Variants in FSIP1 observed in about 807,000 individuals in gnomAD.
FSIP1 encodes the protein fibrous sheath-interacting protein 1.
Under a neutral mutation model 60.9 loss-of-function variants are expected in FSIP1, and 65 were observed. The ratio of observed to expected loss-of-function variants is 1.07; its 90% CI spans 0.87 to 1.31. The LOEUF (loss-of-function observed/expected upper bound fraction) is 1.31. Ranked by LOEUF, FSIP1 falls within the 40% of genes most tolerant of loss-of-function variation. The pLI, the probability that FSIP1 is intolerant of heterozygous loss-of-function variation, is 0.00. For synonymous variants in FSIP1, 209 were observed against 221.2 expected (o/e 0.94, Z 0.49); for missense variants, 675 against 665.5 (o/e 1.01, Z -0.16).
intron 1 of FSIP1, among the ~76,000 whole-genome samples, chr15:39,782,193 A>G (rs1898292011): frequency 6.6e-6 from 1 of 152,210 alleles, no homozygotes; most frequent in African/African-American, 2.4e-5. Context: ...CTCCAGTCTC[A>G]TAGGTGTAAA....
chr15:39,634,780 G>A (rs535388076), intron 10 of FSIP1, among the ~76,000 whole-genome samples: 10 of 152,264 alleles, frequency 6.6e-5, no homozygotes, highest in South Asian at 4.1e-4. Flanking sequence ...TCATGCGGAC[G>A]CCATGTCTCC....
chr15:39,634,862 A>G (rs763268678), intron 10 of FSIP1, among the ~76,000 whole-genome samples: 3 of 152,206 alleles, frequency 2.0e-5, no homozygotes, highest in Non-Finnish European at 4.4e-5. Context: ...CCAGGATCCT[A>G]TGAGCACAAT....
intron 10 of FSIP1, among the ~76,000 whole-genome samples, chr15:39,637,704 A>G (rs955571782): frequency 6.6e-6 from 1 of 152,208 alleles, no homozygotes; most frequent in Non-Finnish European, 1.5e-5. Flanking sequence ...TCCTAGATTC[A>G]ATGATGAGAG....
intron 11 of FSIP1, among the ~76,000 whole-genome samples, chr15:39,603,568 C>A (rs575867470): frequency 6.6e-6 from 1 of 152,276 alleles, no homozygotes; most frequent in African/African-American, 2.4e-5. Context: ...TTATATGTGT[C>A]TCCAAACAAA....
chr15:39,709,937 G>A (rs1895428622), intron 10 of FSIP1, among the ~76,000 whole-genome samples: 1 of 152,212 alleles, frequency 6.6e-6, no homozygotes, highest in Middle Eastern at 3.4e-3. Context: ...GCCCAGGCGT[G>A]GGGGACCCCT....
At chr15:39,668,370 A>T (rs917989725) in intron 10 of FSIP1, among the ~76,000 whole-genome samples, 1 of 152,206 alleles carries the variant, frequency 6.6e-6, no homozygotes, top group African/African-American at 2.4e-5. Context: ...TTTCTCCAGA[A>T]CAAAAATCTG....
At chr15:39,658,887 C>T (rs76492755) in intron 10 of FSIP1, among the ~76,000 whole-genome samples, 2,186 of 152,210 alleles carry the variant, frequency 0.014, 25 homozygotes, top group Non-Finnish European at 0.025. Flanking sequence ...TATTCATAAT[C>T]GCCAAAAAGT....
At chr15:39,725,151 A>G (rs1416726740) in intron 9 of FSIP1, among the ~76,000 whole-genome samples, 2 of 152,208 alleles carry the variant, frequency 1.3e-5, no homozygotes, top group Non-Finnish European at 2.9e-5. Context: ...GAATCACTTG[A>G]ACCCAGGAGG....
intron 11 of FSIP1, among the ~76,000 whole-genome samples, chr15:39,609,430 C>T (rs566081780): frequency 2.0e-5 from 3 of 151,752 alleles, no homozygotes; most frequent in South Asian, 2.1e-4. Context: ...TAGCCTAACC[C>T]TACCAAGCCT....
chr15:39,763,454 T>C (rs1271693118), intron 5 of FSIP1, among the ~76,000 whole-genome samples: 1 of 152,166 alleles, frequency 6.6e-6, no homozygotes, highest in African/African-American at 2.4e-5. Flanking sequence ...AAATCGGTCA[T>C]AGATTTTAAC....
At chr15:39,645,218 C>G (rs1200961099) in intron 10 of FSIP1, among the ~76,000 whole-genome samples, 1 of 152,164 alleles carries the variant, frequency 6.6e-6, no homozygotes, top group Non-Finnish European at 1.5e-5. Flanking sequence ...TTGTGGAAAA[C>G]AGTATGAAGG....
intron 10 of FSIP1, among the ~76,000 whole-genome samples, chr15:39,620,212 A>C (rs1488558216): frequency 1.3e-5 from 2 of 152,238 alleles, no homozygotes; most frequent in Non-Finnish European, 2.9e-5. Flanking sequence ...TCTGCTGTGA[A>C]TAATATTTAC....
intron 10 of FSIP1, among the ~76,000 whole-genome samples, chr15:39,637,470 T>G (rs1473978196): frequency 6.6e-6 from 1 of 152,176 alleles, no homozygotes; most frequent in Admixed American, 6.5e-5. Context: ...GCTAGCTAGC[T>G]GAGCTAACTA....
chr15:39,750,966 C>A (rs1305059485), intron 5 of FSIP1, among the ~76,000 whole-genome samples: 1 of 151,494 alleles, frequency 6.6e-6, no homozygotes, highest in Non-Finnish European at 1.5e-5. Context: ...TAAAAATGGG[C>A]AAAGTAAATA....
chr15:39,756,401 G>A (rs1897302046), intron 5 of FSIP1, among the ~76,000 whole-genome samples: 1 of 152,054 alleles, frequency 6.6e-6, no homozygotes, highest in African/African-American at 2.4e-5. Context: ...TTGGAGATAG[G>A]GTTTCACACA....
intron 10 of FSIP1, among the ~76,000 whole-genome samples, chr15:39,642,988 G>A (rs1036727578): frequency 2.0e-5 from 3 of 152,128 alleles, no homozygotes; most frequent in Admixed American, 6.6e-5. Context: ...TTCAGTCCTC[G>A]AAGCACTTCA....
At chr15:39,601,027 T>C (rs1028207751) in intron 11 of FSIP1, 101 bp from the exon 12 acceptor site, 2 of 873,646 alleles carry the variant, frequency 2.3e-6, no homozygotes, top group Non-Finnish European at 3.6e-6. Context: ...CCTTTACACA[T>C]GAGGCAATAA....
chr15:39,762,335 C>G (rs1172496892), intron 5 of FSIP1, among the ~76,000 whole-genome samples: 1 of 152,182 alleles, frequency 6.6e-6, no homozygotes, highest in Non-Finnish European at 1.5e-5. Flanking sequence ...CCTTGCATTC[C>G]TTGGCTTGTA....
chr15:39,608,093 C>T (rs1210228470), intron 11 of FSIP1, among the ~76,000 whole-genome samples: 3 of 152,164 alleles, frequency 2.0e-5, no homozygotes, highest in Non-Finnish European at 4.4e-5. Context: ...GTTAGTAAAA[C>T]TCCAACTTCA....
Sources: allele counts gnomAD v4.1 joint callset (sites outside exome capture counted in the v4.1 genomes callset), GRCh38; gene constraint gnomAD v4.1.1; transcripts MANE v1.5; gene names NCBI Gene and HGNC (gene_info 2026-07-23, HGNC 2026-07-21).